DSP: variants seen among roughly 807,000 people sequenced by gnomAD.
The protein encoded by DSP is desmoplakin, also known as 250/210 kDa paraneoplastic pemphigus antigen.
In DSP, 114 loss-of-function variants were observed where a neutral mutation model predicts 290.6. The observed-to-expected ratio is 0.39, with a 90% CI of 0.34 to 0.46. The LOEUF is 0.46. DSP is among the 20% of genes least tolerant of loss of function. The probability of loss-of-function intolerance (pLI) is 0.99; values close to 1 mark genes in which losing one functional copy is unlikely to be tolerated. For synonymous variants in DSP, 1,311 were observed against 1,316.4 expected (o/e 1.00, Z 0.09); for missense variants, 3,230 against 3,495.8 (o/e 0.92, Z 1.92).
At chr6:7,577,290 A>G (rs780738563) in intron 20 of DSP, among the ~76,000 whole-genome samples, 19 of 152,144 alleles carry the variant, frequency 1.2e-4, no homozygotes, top group African/African-American at 1.7e-4. Flanking sequence ...TCCATTTAGC[A>G]TACAAAGATG....
chr6:7,582,609 A>T lies in DSP; in HGVS notation c.5380-33A>T. On this transcript the variant is annotated intron_variant, in intron 23 of 23. Transcript: ENST00000379802. The surrounding 1 kb of genome is among the most constrained non-coding windows in gnomAD (Gnocchi z 4.2). ...GTAATATGATATGATTCAAAACATT[A>T]TTTTTTCCCATTTCTTTCTTCTTCA... 1 of 1,561,598 alleles carries T rather than the reference A, an allele frequency of 6.4e-7. No individual in the cohort carries two copies. Among genetic ancestry groups the T allele is most frequent in the Non-Finnish European group, 8.8e-7 (1 of 1,132,744 alleles).
intron 9 of DSP, 73 bp downstream of exon 9, chr6:7,567,522 G>A: frequency 7.4e-7 from 1 of 1,349,208 alleles, no homozygotes; most frequent in Non-Finnish European, 1.1e-6. Flanking sequence ...GTTTTATAAA[G>A]CACTGAAAAT....
At chr6:7,563,841 C>A in intron 6 of DSP, 55 bp downstream of exon 6, 1 of 1,523,710 alleles carries the variant, frequency 6.6e-7, no homozygotes, top group African/African-American at 1.4e-5. Flanking sequence ...CAATTCAATT[C>A]AGTTCAAGAA....
rs1285842653 is a variant in DSP, at chr6:7,565,927, G to C, written c.939+407G>C. The C allele has an allele frequency of 2.1e-5, 7 of 333,034 alleles. No individual in the cohort carries two copies. The highest frequency in any genetic ancestry group is 4.0e-5 in the Non-Finnish European group (7 of 175,382). 20.6% of individuals were successfully genotyped at this position (333,034 alleles called of 1,614,324 possible). A position where few individuals can be genotyped will look rare whatever the true frequency, so the allele number is the denominator to read the frequency against. On this transcript the variant is annotated intron_variant, in intron 7 of 23. Transcript: ENST00000379802. The surrounding 1 kb of genome is among the most constrained non-coding windows in gnomAD (Gnocchi z 4.2). Reference sequence around the variant, plus strand: ...AATAACCTGTACAACAAATCCCTGTGATACAAGTTTACCTGTGTAACAAAC... The same window carrying C: ...AATAACCTGTACAACAAATCCCTGTCATACAAGTTTACCTGTGTAACAAAC...
rs1758927696 is a variant in DSP at position 7,568,424 on chromosome 6, T to C, written c.1267-13T>C. On this transcript the variant is annotated splice_polypyrimidine_tract_variant and intron_variant, in intron 10 of 23. Coordinates refer to ENST00000379802, the MANE Select transcript of DSP (RefSeq NM_004415.4). ...GTATCTATGTTTAAGTATGATTTTA[T>C]TCACCATTGCAGAAAGAACGAGAGA... is the stretch of plus-strand genomic sequence containing the variant. 1 of 1,613,986 alleles carries C rather than the reference T, an allele frequency of 6.2e-7. No individual in the cohort carries two copies. The highest frequency in any genetic ancestry group is 8.5e-7 in the Non-Finnish European group (1 of 1,179,966).
intron 3 of DSP, among the ~76,000 whole-genome samples, 198 bp downstream of exon 3, chr6:7,558,462 G>A (rs554999691): frequency 5.7e-4 from 85 of 148,966 alleles, no homozygotes; most frequent in African/African-American, 1.8e-3. Flanking sequence ...GGTGTTAACT[G>A]TACCTCCCTT....
In DSP at chr6:7,584,899, A is replaced by G. The variant is rs1204856152; in HGVS notation, c.7637A>G (p.Gln2546Arg). The change falls in exon 24 of 24, where the codon CAG (glutamine) becomes CGG (arginine). Residue 2546 changes from glutamine to arginine, a missense_variant. Gln to Arg is a conservative substitution (Grantham distance 43). Transcript: ENST00000379802. This position sits in a 1 kb window ranked among gnomAD's most constrained non-coding sequence, Gnocchi z 6.4. ...KGLVDRKFFD[Q>R]YRSGSLSLTQ... ...CTTGTTGACAGGAAGTTCTTTGATC[A>G]GTACCGATCCGGCAGCCTCAGCCTC... 6.2e-7 allele frequency: 1 copy of G among 1,614,250 alleles called. No homozygotes were observed. Among genetic ancestry groups the G allele is most frequent in the Non-Finnish European group, 8.5e-7 (1 of 1,180,042 alleles).
At chr6:7,576,231 T>G (rs978681757) in intron 18 of DSP, 63 bp from the exon 19 acceptor site, 2 of 1,567,542 alleles carry the variant, frequency 1.3e-6, no homozygotes, top group African/African-American at 2.7e-5. Context: ...TTCTGGGTGA[T>G]TCTATGTTAC....
At position 7,584,321 on chromosome 6, in the gene DSP, C is replaced by G; in HGVS notation, c.7059C>G (p.Ala2353=). 1.9e-6 allele frequency: 3 copies of G among 1,614,122 alleles called. No homozygotes were observed. The highest frequency in any genetic ancestry group is 2.5e-6 in the Non-Finnish European group (3 of 1,180,036). The change falls in exon 24 of 24, where the codon GCC becomes GCG. Residue 2353 remains alanine (A), a synonymous_variant. Coordinates refer to ENST00000379802, the MANE Select transcript of DSP (RefSeq NM_004415.4). This position sits in a 1 kb window ranked among gnomAD's most constrained non-coding sequence, Gnocchi z 6.4. ...ETGNIISLFQ[A]MNKELIEKGH... The stretch of plus-strand genomic sequence containing the variant: ...GAAACATCATCTCTTTGTTCCAAGC[C>G]ATGAATAAGGAACTCATCGAAAAGG...
chr6:7,549,231 C>T (rs1425253160), intron 1 of DSP, among the ~76,000 whole-genome samples: 1 of 152,092 alleles, frequency 6.6e-6, no homozygotes, highest in African/African-American at 2.4e-5. Flanking sequence ...CTCACTGCAA[C>T]CTCCACCTCC....
chr6:7,575,333 G>A lies in DSP; in HGVS notation c.2475G>A (p.Leu825=), dbSNP rs753607042. The stretch of plus-strand genomic sequence containing the variant: ...ACTTGAACTTGAAGAAGTCGTTGTT[G>A]GCCACTATGAAGACAGAACTACAGA... ...KNDLNLKKSL[L]ATMKTELQKA... The change falls in exon 18 of 24, where the codon TTG becomes TTA. Residue 825 remains leucine (L), a synonymous_variant. Transcript: ENST00000379802. 1 of 1,613,592 alleles carries A rather than the reference G, an allele frequency of 6.2e-7. No homozygotes were observed. Among genetic ancestry groups the A allele is most frequent in the Admixed American group, 1.7e-5 (1 of 59,954 alleles).
intron 4 of DSP, among the ~76,000 whole-genome samples, chr6:7,561,536 T>C (rs1163834991): frequency 6.6e-6 from 1 of 152,234 alleles, no homozygotes; most frequent in East Asian, 1.9e-4. Context: ...GTTTTCCCGA[T>C]TTGTGTTTGC....
chr6:7,563,296 A>T (rs1161877379), intron 5 of DSP, among the ~76,000 whole-genome samples: 1 of 149,780 alleles, frequency 6.7e-6, no homozygotes, highest in African/African-American at 2.5e-5. Context: ...AGGTCTCTAC[A>T]CTTGTAAATC....
intron 1 of DSP, among the ~76,000 whole-genome samples, chr6:7,550,222 T>G (rs1758296917): frequency 1.3e-5 from 2 of 151,352 alleles, no homozygotes; most frequent in Admixed American, 1.3e-4. Flanking sequence ...TGTTTTGTTT[T>G]TGTTTTTTTT....
Position 7,579,764 on chromosome 6 carries a change from C to T in DSP, c.3574C>T (p.Leu1192=). 6.2e-7 allele frequency: 1 copy of T among 1,613,716 alleles called. No individual in the cohort carries two copies. Among genetic ancestry groups the T allele is most frequent in the Non-Finnish European group, 8.5e-7 (1 of 1,179,856 alleles). ...GTRKREYENE[L]AKVRNHYNEE... Reference sequence around the variant, plus strand: ...CCGGAAGAGAGAATATGAAAATGAGCTGGCAAAGGTAAGAAACCACTATAA... The same window carrying T: ...CCGGAAGAGAGAATATGAAAATGAGTTGGCAAAGGTAAGAAACCACTATAA... The change falls in exon 23 of 24, where the codon CTG becomes TTG. Residue 1192 remains leucine, a synonymous_variant. Coordinates refer to ENST00000379802, the MANE Select transcript of DSP (RefSeq NM_004415.4). This position sits in a 1 kb window ranked among gnomAD's most constrained non-coding sequence, Gnocchi z 4.1.
At chr6:7,557,146 A>G (rs1172946754) in intron 2 of DSP, among the ~76,000 whole-genome samples, 1 of 152,254 alleles carries the variant, frequency 6.6e-6, no homozygotes, top group East Asian at 1.9e-4. Context: ...GAGAAAGATC[A>G]GTAGGTGTTA....
Position 7,565,267 on chromosome 6 carries a change from TA to T in DSP, c.778-89del. On this transcript the variant is annotated intron_variant, in intron 6 of 23. Transcript: ENST00000379802. The surrounding 1 kb of genome is among the most constrained non-coding windows in gnomAD (Gnocchi z 4.2). Reference sequence around the variant, plus strand: ...TTTCCTATCCGTGTGATTTTTTTTTTAAAGGGACCACAGGTTTAATCTTTAA... The same window carrying T: ...TTTCCTATCCGTGTGATTTTTTTTTTAAGGGACCACAGGTTTAATCTTTAA... 2.0e-6 allele frequency: 3 copies of T among 1,524,412 alleles called. No individual in the cohort carries two copies. Among genetic ancestry groups the T allele is most frequent in the Non-Finnish European group, 2.7e-6 (3 of 1,109,876 alleles). 94.4% of individuals were successfully genotyped at this position (1,524,412 alleles called of 1,614,324 possible). A position where few individuals can be genotyped will look rare whatever the true frequency, so the allele number is the denominator to read the frequency against.
At chr6:7,567,061 T>C (rs1328917018) in intron 8 of DSP, among the ~76,000 whole-genome samples, 4 of 152,232 alleles carry the variant, frequency 2.6e-5, no homozygotes, top group African/African-American at 9.6e-5. Flanking sequence ...ACTCCAGTGC[T>C]AGCCCCAGTG....
chr6:7,578,397 G>T (rs1013399678), intron 21 of DSP, 67 bp from the exon 22 acceptor site: 30 of 1,361,912 alleles, frequency 2.2e-5, no homozygotes, highest in Non-Finnish European at 3.0e-5. Flanking sequence ...AACAAAATCG[G>T]TCAAATTACA....
Sources: allele counts gnomAD v4.1 joint callset (sites outside exome capture counted in the v4.1 genomes callset), GRCh38; gene constraint gnomAD v4.1.1; non-coding constraint Gnocchi (gnomAD v3.1); transcripts MANE v1.5; gene names NCBI Gene and HGNC (gene_info 2026-07-23, HGNC 2026-07-21).